Variants in RAD18 observed in about 807,000 individuals in gnomAD.
The protein encoded by RAD18 is RAD18 E3 ubiquitin protein ligase.
In RAD18, 47 loss-of-function variants were observed where a neutral mutation model predicts 60.4. The observed-to-expected ratio is 0.78, with a 90% CI of 0.62 to 0.99. The LOEUF is 0.99. Ranked by LOEUF, RAD18 falls within the 50% of genes least tolerant of loss-of-function variation. RAD18 has a pLI of 0.00. For synonymous variants in RAD18, 225 were observed against 195.5 expected (o/e 1.15, Z -1.26); for missense variants, 640 against 593.3 (o/e 1.08, Z -0.82).
In RAD18 at chr3:8,935,920, T is replaced by C. The variant is rs1362600819; in HGVS notation, c.840A>G (p.Glu280=). ...NKQQLIKRHQ[E]FVHMYNAQCD... ...ATTGGGCATTGTACATGTGTACAAA[T>C]TCTTGGTGCCTTTTAATGAGCTGTT... Residue 280 remains glutamate, a synonymous_variant, in exon 7 of 13, where the codon GAA becomes GAG. Coordinates refer to ENST00000264926, the MANE Select transcript of RAD18 (RefSeq NM_020165.4). The C allele has an allele frequency of 1.2e-6, 2 of 1,611,846 alleles. No homozygotes were observed. Among genetic ancestry groups the C allele is most frequent in the South Asian group, 2.2e-5 (2 of 90,652 alleles).
At chr3:8,927,257 A>C (rs1423502498) in intron 7 of RAD18, among the ~76,000 whole-genome samples, 4 of 152,260 alleles carry the variant, frequency 2.6e-5, no homozygotes, top group Admixed American at 2.6e-4. Flanking sequence ...AAGGATACGA[A>C]CAGACACTTC....
At chr3:8,881,562 G>A (rs1333018400) in intron 12 of RAD18, 103 bp from the exon 13 acceptor site, 21 of 847,094 alleles carry the variant, frequency 2.5e-5, no homozygotes, top group Non-Finnish European at 3.8e-5. Context: ...TTAAAACCTC[G>A]AAATAATCCT....
At chr3:8,919,413 T>C (rs1055668452) in intron 7 of RAD18, among the ~76,000 whole-genome samples, 7 of 152,108 alleles carry the variant, frequency 4.6e-5, no homozygotes, top group African/African-American at 1.7e-4. Flanking sequence ...GACAACCCAG[T>C]TGCTGGAATT....
intron 7 of RAD18, among the ~76,000 whole-genome samples, chr3:8,929,582 C>T (rs966354049): frequency 5.3e-5 from 8 of 151,990 alleles, no homozygotes; most frequent in Admixed American, 2.0e-4. Context: ...ATCAATACCA[C>T]ACCCACTAGG....
chr3:8,933,196 A>G (rs446270), intron 7 of RAD18, among the ~76,000 whole-genome samples: 106,981 of 151,898 alleles, frequency 0.7, 38,122 homozygotes, highest in Middle Eastern at 0.78. Context: ...AGTGACAGAT[A>G]CCATATGTAA....
intron 2 of RAD18, among the ~76,000 whole-genome samples, chr3:8,953,161 T>C (rs1011413881): frequency 6.6e-6 from 1 of 150,688 alleles, no homozygotes; most frequent in Admixed American, 6.6e-5. Flanking sequence ...TGTATACTTA[T>C]ATAAATATGT....
intron 10 of RAD18, among the ~76,000 whole-genome samples, chr3:8,901,646 A>C (rs1441090338): frequency 6.6e-6 from 1 of 152,198 alleles, no homozygotes; most frequent in Non-Finnish European, 1.5e-5. Flanking sequence ...GCTATGAGGC[A>C]GAGGGGACGG....
chr3:8,916,639 C>A (rs1290903216), intron 7 of RAD18, among the ~76,000 whole-genome samples: 1 of 151,794 alleles, frequency 6.6e-6, no homozygotes, highest in Non-Finnish European at 1.5e-5. Context: ...GAAATTACTT[C>A]AATGGAAATA....
At chr3:8,956,363 C>T (rs1559802700) in intron 2 of RAD18, among the ~76,000 whole-genome samples, 1 of 152,150 alleles carries the variant, frequency 6.6e-6, no homozygotes, top group Non-Finnish European at 1.5e-5. Context: ...GGTCACTAAA[C>T]GATTAACGGT....
intron 1 of RAD18, among the ~76,000 whole-genome samples, chr3:8,961,854 T>C (rs1433165415): frequency 6.6e-6 from 1 of 152,232 alleles, no homozygotes; most frequent in South Asian, 2.1e-4. Flanking sequence ...AACACTGAAA[T>C]TGTGGGAATA....
At chr3:8,925,530 A>G (rs896793028) in intron 7 of RAD18, among the ~76,000 whole-genome samples, 6 of 152,114 alleles carry the variant, frequency 3.9e-5, no homozygotes, top group African/African-American at 1.2e-4. Context: ...CAATCAATAG[A>G]AAAAAAGAGA....
chr3:8,894,400 A>C (rs1441994663), intron 11 of RAD18, among the ~76,000 whole-genome samples: 1 of 152,246 alleles, frequency 6.6e-6, no homozygotes, highest in Non-Finnish European at 1.5e-5. Context: ...CTATTTACAA[A>C]GCATTCACAA....
At chr3:8,953,895 T>C (rs1940965209) in intron 2 of RAD18, among the ~76,000 whole-genome samples, 1 of 152,216 alleles carries the variant, frequency 6.6e-6, no homozygotes. Context: ...CAATTTTATT[T>C]CATTTTTTAA....
chr3:8,899,253 GATTA>G (rs1441803502), intron 10 of RAD18, among the ~76,000 whole-genome samples: 1 of 152,112 alleles, frequency 6.6e-6, no homozygotes, highest in African/African-American at 2.4e-5. Flanking sequence ...GTTTTTCCAA[GATTA>G]ATTAGTTTAA....
At chr3:8,961,255 A>C (rs1336751143) in intron 1 of RAD18, among the ~76,000 whole-genome samples, 3 of 152,190 alleles carry the variant, frequency 2.0e-5, no homozygotes, top group Non-Finnish European at 4.4e-5. Flanking sequence ...CAACCAACTA[A>C]ACAAAAAATG....
chr3:8,901,662 T>C (rs896148685), intron 10 of RAD18, among the ~76,000 whole-genome samples: 3 of 151,622 alleles, frequency 2.0e-5, no homozygotes, highest in Admixed American at 6.6e-5. Flanking sequence ...GACGGAAGAG[T>C]TGCTATTTCA....
Position 8,881,386 on chromosome 3 carries a change from C to T in RAD18, c.1459G>A (p.Glu487Lys), listed in dbSNP as rs960260294. The T allele has an allele frequency of 6.2e-7, 1 of 1,611,380 alleles. No homozygotes were observed. Among genetic ancestry groups the T allele is most frequent in the African/African-American group, 1.3e-5 (1 of 74,884 alleles). The stretch of plus-strand genomic sequence containing the variant: ...TTCCTATTACGCTTGTTTCTTGGTT[C>T]AATCTCAGCACTTTCAGCGGCTCTT... ...RTRAAESAEI[E>K]PRNKRNRN is the part of the protein sequence containing the mutation. Residue 487 changes from glutamate (E) to lysine (K), a missense_variant, in exon 13 of 13, where the codon GAA becomes AAA. Physicochemically the swap from Glu to Lys is moderately conservative, Grantham distance 56. Transcript: ENST00000264926.
At chr3:8,885,999 T>G (rs1242121301) in intron 12 of RAD18, among the ~76,000 whole-genome samples, 1 of 152,160 alleles carries the variant, frequency 6.6e-6, no homozygotes, top group Admixed American at 6.5e-5. Flanking sequence ...AGTTATAGCT[T>G]GTGGAAAAGG....
chr3:8,929,113 T>C lies in RAD18; in HGVS notation c.889+6758A>G, dbSNP rs376640330. On this transcript the variant is annotated intron_variant, in intron 7 of 12. Coordinates refer to ENST00000264926, the MANE Select transcript of RAD18 (RefSeq NM_020165.4). ...AGGTAAAATAGCACTTAGACAAAAA[T>C]CTGTATTTTAAATACATCGAGAACA... Among the ~76,000 whole-genome samples the C allele has an allele frequency of 1.1e-4, 16 of 152,090 alleles. 1 individual carries two copies. The East Asian group carries it at 2.5e-3, about 24-fold the overall frequency.
Sources: allele counts gnomAD v4.1 joint callset (sites outside exome capture counted in the v4.1 genomes callset), GRCh38; gene constraint gnomAD v4.1.1; transcripts MANE v1.5; gene names NCBI Gene and HGNC (gene_info 2026-07-23, HGNC 2026-07-21).